MACROD2: variants seen among roughly 807,000 people sequenced by gnomAD.
MACROD2 encodes the protein ADP-ribose glycohydrolase MACROD2.
Under a neutral mutation model 70.4 loss-of-function variants are expected in MACROD2, and 36 were observed. The observed-to-expected ratio is 0.51, with a 90% CI of 0.39 to 0.68. The LOEUF (loss-of-function observed/expected upper bound fraction) is 0.68. Ranked by LOEUF, MACROD2 falls within the 30% of genes least tolerant of loss-of-function variation. MACROD2 has a pLI of 0.00. For missense variants in MACROD2, 496 were observed against 538.4 expected (o/e 0.92, Z 0.78); for synonymous variants, 172 against 178.8 (o/e 0.96, Z 0.30).
At chr20:14,863,704 C>G (rs1033691789) in intron 5 of MACROD2, among the ~76,000 whole-genome samples, 1 of 152,098 alleles carries the variant, frequency 6.6e-6, no homozygotes, top group African/African-American at 2.4e-5. Context: ...GCCACTATTG[C>G]TAAGAGCTTT....
chr20:15,204,244 C>T (rs1029305757), intron 5 of MACROD2, among the ~76,000 whole-genome samples: 4 of 152,108 alleles, frequency 2.6e-5, no homozygotes, highest in African/African-American at 9.7e-5. Flanking sequence ...CCCAAATTTT[C>T]CACACGCTAA....
intron 5 of MACROD2, among the ~76,000 whole-genome samples, chr20:15,017,320 T>A (rs531132184): frequency 6.6e-6 from 1 of 152,326 alleles, no homozygotes; most frequent in East Asian, 1.9e-4. Flanking sequence ...TGATCTCTTT[T>A]AACTCCATAT....
chr20:15,871,053 G>A (rs986546704), intron 9 of MACROD2, among the ~76,000 whole-genome samples: 1 of 151,606 alleles, frequency 6.6e-6, no homozygotes, highest in African/African-American at 2.4e-5. Context: ...ATAGGCGCCT[G>A]TAGTCCCAGC....
At chr20:15,899,314 AC>A (rs1167048383) in intron 10 of MACROD2, among the ~76,000 whole-genome samples, 3 of 152,134 alleles carry the variant, frequency 2.0e-5, no homozygotes, top group African/African-American at 7.2e-5. Context: ...GTACATATAT[AC>A]ATATATACAT....
intron 12 of MACROD2, among the ~76,000 whole-genome samples, chr20:15,952,817 T>G (rs755884274): frequency 2.6e-5 from 4 of 152,094 alleles, no homozygotes; most frequent in Non-Finnish European, 5.9e-5. Context: ...CAACCAATAC[T>G]TAGGTTGGGT....
At chr20:14,608,848 T>A (rs1015017531) in intron 4 of MACROD2, among the ~76,000 whole-genome samples, 1 of 152,090 alleles carries the variant, frequency 6.6e-6, no homozygotes, top group African/African-American at 2.4e-5. Context: ...AAAATTTCTC[T>A]AAGGAGGTAG....
intron 8 of MACROD2, among the ~76,000 whole-genome samples, chr20:15,763,008 C>A (rs73244045): frequency 0.02 from 3,107 of 152,172 alleles, 103 homozygotes; most frequent in African/African-American, 0.07. Flanking sequence ...AAGGGAATTT[C>A]AGTATTTTGG....
chr20:15,447,903 G>C (rs1266059814), intron 7 of MACROD2, among the ~76,000 whole-genome samples: 1 of 152,078 alleles, frequency 6.6e-6, no homozygotes, highest in Non-Finnish European at 1.5e-5. Flanking sequence ...GGTGAATACA[G>C]ACTGGTTCAG....
chr20:14,137,869 T>C (rs1219237378), intron 3 of MACROD2, among the ~76,000 whole-genome samples: 1 of 152,104 alleles, frequency 6.6e-6, no homozygotes, highest in Non-Finnish European at 1.5e-5. Context: ...TATTTAAAAA[T>C]CATGTATCTG....
chr20:15,067,707 C>G (rs1257161902), intron 5 of MACROD2, among the ~76,000 whole-genome samples: 1 of 152,128 alleles, frequency 6.6e-6, no homozygotes, highest in Non-Finnish European at 1.5e-5. Context: ...TTTGTATAAA[C>G]ATGGCATACA....
At chr20:15,486,419 C>A (rs192434328) in intron 7 of MACROD2, among the ~76,000 whole-genome samples, 1 of 152,298 alleles carries the variant, frequency 6.6e-6, no homozygotes, top group East Asian at 1.9e-4. Flanking sequence ...GGAGGGCTAA[C>A]AAGAAGACCT....
intron 8 of MACROD2, among the ~76,000 whole-genome samples, chr20:15,591,915 C>T (rs1464728285): frequency 6.6e-6 from 1 of 152,142 alleles, no homozygotes; most frequent in Non-Finnish European, 1.5e-5. Context: ...GCAACATGCT[C>T]AGGCTATGCG....
At chr20:14,716,972 A>G (rs773915133) in intron 5 of MACROD2, among the ~76,000 whole-genome samples, 19 of 152,224 alleles carry the variant, frequency 1.2e-4, no homozygotes, top group Non-Finnish European at 2.1e-4. Context: ...ATTATGTTTA[A>G]TTTTGAGTGT....
chr20:15,553,657 C>A (rs1229903877), intron 8 of MACROD2, among the ~76,000 whole-genome samples: 1 of 152,084 alleles, frequency 6.6e-6, no homozygotes, highest in Admixed American at 6.5e-5. Flanking sequence ...TAAGATCAAG[C>A]GATCCACCTG....
intron 5 of MACROD2, among the ~76,000 whole-genome samples, chr20:15,068,161 C>A (rs1369861006): frequency 6.6e-6 from 1 of 152,084 alleles, no homozygotes; most frequent in African/African-American, 2.4e-5. Flanking sequence ...CTTCAGTCTT[C>A]TGATAATATC....
At chr20:14,415,226 T>C (rs979212258) in intron 3 of MACROD2, among the ~76,000 whole-genome samples, 3 of 152,186 alleles carry the variant, frequency 2.0e-5, no homozygotes, top group African/African-American at 4.8e-5. Flanking sequence ...AAAAATTTTA[T>C]ACCAGCGTGT....
intron 17 of MACROD2, among the ~76,000 whole-genome samples, chr20:16,047,896 A>T (rs1234485196): frequency 6.6e-6 from 1 of 152,214 alleles, no homozygotes; most frequent in Non-Finnish European, 1.5e-5. Context: ...GCATAAATAA[A>T]TCTAGGACTT....
chr20:15,907,825 T>C (rs2065171028), intron 10 of MACROD2, among the ~76,000 whole-genome samples: 1 of 152,206 alleles, frequency 6.6e-6, no homozygotes, highest in Non-Finnish European at 1.5e-5. Context: ...AAAAGGGCTG[T>C]GTGCTCAGTT....
At chr20:14,542,442 A>G (rs1273155286) in intron 4 of MACROD2, among the ~76,000 whole-genome samples, 1 of 152,234 alleles carries the variant, frequency 6.6e-6, no homozygotes, top group Non-Finnish European at 1.5e-5. Context: ...ATTTTCCTGA[A>G]AATAATCCAT....
Sources: allele counts gnomAD v4.1 joint callset (sites outside exome capture counted in the v4.1 genomes callset), GRCh38; gene constraint gnomAD v4.1.1; transcripts MANE v1.5; gene names NCBI Gene and HGNC (gene_info 2026-07-23, HGNC 2026-07-21).